Variants in FAM167A observed in about 807,000 individuals in gnomAD.
The protein encoded by FAM167A is protein FAM167A.
Under a neutral mutation model 14.9 loss-of-function variants are expected in FAM167A, and 23 were observed. The observed-to-expected ratio is 1.55, with a 90% CI of 1.11 to 2.19. The LOEUF (loss-of-function observed/expected upper bound fraction) is 2.19, where lower values mean the gene tolerates loss of function less well. Among genes scored for constraint, FAM167A ranks in the 30% most tolerant of loss-of-function variants. The pLI, the probability that FAM167A is intolerant of heterozygous loss-of-function variation, is 0.00. For missense variants in FAM167A, 401 were observed against 281.5 expected, an observed-to-expected ratio of 1.42 and a Z score of -3.04; for synonymous variants, 174 against 117.7, an observed-to-expected ratio of 1.48 and a Z score of -3.10.
At chr8:11,426,253 C>T (rs1386877240) in intron 2 of FAM167A, among the ~76,000 whole-genome samples, 1 of 152,182 alleles carries the variant, frequency 6.6e-6, no homozygotes, top group Non-Finnish European at 1.5e-5. Flanking sequence ...TAGGCTGAAC[C>T]AAGGTATACC....
At chr8:11,456,245 TTG>T (rs1807289358) in intron 1 of FAM167A, among the ~76,000 whole-genome samples, 1 of 95,776 alleles carries the variant, frequency 1.0e-5, no homozygotes, top group African/African-American at 3.9e-5. Context: ...GGTGGTTGCC[TTG>T]CTGTGTGTGT....
chr8:11,422,357 T>A lies in FAM167A; in HGVS notation c.*2016A>T. 9.6e-6 allele frequency: 1 copy of A among 104,046 alleles called. No individual in the cohort carries two copies. Among genetic ancestry groups the A allele is most frequent in the East Asian group, 2.0e-4 (1 of 5,052 alleles). 6.4% of individuals were successfully genotyped at this position (104,046 alleles called of 1,614,324 possible). A position where few individuals can be genotyped will look rare whatever the true frequency, so the allele number is the denominator to read the frequency against. On this transcript the variant is annotated 3_prime_UTR_variant, in exon 3 of 3. Coordinates refer to ENST00000284486, the MANE Select transcript of FAM167A (RefSeq NM_053279.3). ...GATGTTTATGGCATGTTCTCTGTCG[T>A]GTGTGTGTGTGTGGGGGTGTGTGTG...
At chr8:11,441,508 T>C (rs1471836759) in intron 2 of FAM167A, among the ~76,000 whole-genome samples, 1 of 152,240 alleles carries the variant, frequency 6.6e-6, no homozygotes, top group Non-Finnish European at 1.5e-5. Context: ...CTCTATCCTG[T>C]GATGAGGATG....
chr8:11,456,535 GGTGT>G (rs1490643343), intron 1 of FAM167A, among the ~76,000 whole-genome samples: 3 of 49,354 alleles, frequency 6.1e-5, no homozygotes, highest in South Asian at 1.4e-3. Context: ...TGCCCTGCTG[GGTGT>G]GTGAGTGTGA....
chr8:11,435,098 C>G (rs1338530514), intron 2 of FAM167A: 3 of 456,800 alleles, frequency 6.6e-6, no homozygotes, highest in African/African-American at 6.0e-5. Flanking sequence ...TCAAATCTTT[C>G]AAAGGTATCA....
At chr8:11,426,166 A>G (rs1053993034) in intron 2 of FAM167A, among the ~76,000 whole-genome samples, 1 of 152,220 alleles carries the variant, frequency 6.6e-6, no homozygotes, top group Non-Finnish European at 1.5e-5. Flanking sequence ...TCAACTGGCA[A>G]TAAAAATATC....
chr8:11,443,880 A>C (rs1806595847), intron 2 of FAM167A, 151 bp downstream of exon 2: 2 of 1,029,394 alleles, frequency 1.9e-6, no homozygotes, highest in Middle Eastern at 2.2e-4. Flanking sequence ...CCTTCAACTC[A>C]CGGGAAGATT....
intron 1 of FAM167A, among the ~76,000 whole-genome samples, chr8:11,459,748 C>T (rs1473204457): frequency 2.0e-5 from 3 of 152,176 alleles, no homozygotes; most frequent in Non-Finnish European, 4.4e-5. Flanking sequence ...GAGTTTTGCT[C>T]TTCTCACCCA....
upstream of FAM167A, among the ~76,000 whole-genome samples, chr8:11,472,556 A>G (rs1056192532): frequency 6.7e-6 from 1 of 148,676 alleles, no homozygotes; most frequent in African/African-American, 2.5e-5. Context: ...TCTTGCATGC[A>G]CAGCATTTGA....
intron 1 of FAM167A, among the ~76,000 whole-genome samples, chr8:11,460,062 G>C (rs536587228): frequency 6.6e-6 from 1 of 152,334 alleles, no homozygotes; most frequent in East Asian, 1.9e-4. Context: ...TGTTTTGGTT[G>C]ATGGAGGTGG....
At chr8:11,458,399 G>A (rs1250641275) in intron 1 of FAM167A, among the ~76,000 whole-genome samples, 1 of 152,154 alleles carries the variant, frequency 6.6e-6, no homozygotes, top group African/African-American at 2.4e-5. Context: ...TCACATTTCT[G>A]ATGTGCCTCT....
intron 2 of FAM167A, among the ~76,000 whole-genome samples, chr8:11,442,494 AAAAG>A (rs1806503089): frequency 6.6e-6 from 1 of 152,198 alleles, no homozygotes; most frequent in African/African-American, 2.4e-5. Flanking sequence ...AACTTCCTTA[AAAAG>A]AAAAAGCCTC....
intron 2 of FAM167A, among the ~76,000 whole-genome samples, chr8:11,437,332 A>G (rs1211734116): frequency 6.6e-6 from 1 of 152,218 alleles, no homozygotes; most frequent in Non-Finnish European, 1.5e-5. Context: ...AGGCGTGTGT[A>G]TAAACATGCG....
At chr8:11,470,831 G>C (rs1432995982), upstream of FAM167A, among the ~76,000 whole-genome samples, 5 of 152,048 alleles carry the variant, frequency 3.3e-5, no homozygotes, top group Non-Finnish European at 5.9e-5. Flanking sequence ...CCATCCGTGG[G>C]CCCAGAGTTT....
chr8:11,428,116 G>A (rs996740942), intron 2 of FAM167A, among the ~76,000 whole-genome samples: 6 of 133,580 alleles, frequency 4.5e-5, no homozygotes. Context: ...GGAACCCTAT[G>A]GTTTAAGATT....
At chr8:11,440,763 C>T (rs1046740816) in intron 2 of FAM167A, among the ~76,000 whole-genome samples, 6 of 152,250 alleles carry the variant, frequency 3.9e-5, no homozygotes, top group African/African-American at 1.4e-4. Context: ...CCTAACAAAT[C>T]TGTAGGAAGG....
chr8:11,437,963 CT>C (rs1447250897), intron 2 of FAM167A: 2 of 311,678 alleles, frequency 6.4e-6, no homozygotes, highest in African/African-American at 4.4e-5. Flanking sequence ...CATCTCAGAA[CT>C]CAACTTACTG....
At chr8:11,438,152 G>T (rs1049758355) in intron 2 of FAM167A, 2 of 456,366 alleles carry the variant, frequency 4.4e-6, no homozygotes, top group Non-Finnish European at 8.8e-6. Context: ...CATGGGGCTG[G>T]ATGAAAAGAC....
chr8:11,469,644 A>G (rs1289797408), upstream of FAM167A, among the ~76,000 whole-genome samples: 1 of 151,976 alleles, frequency 6.6e-6, no homozygotes, highest in African/African-American at 2.4e-5. Context: ...AGGCAGGGGG[A>G]TTGCTTGAGC....
Sources: gnomAD v4.1 joint callset for allele counts (sites outside exome capture counted in the v4.1 genomes callset) on GRCh38, gnomAD v4.1.1 for gene constraint, MANE v1.5 for transcripts, NCBI Gene and HGNC (gene_info 2026-07-23, HGNC 2026-07-21) for gene names.